The following POU2F2 variants were observed in gnomAD, a reference collection of about 807,000 sequenced individuals.
POU2F2 encodes POU domain, class 2, transcription factor 2.
POU2F2 carries 14 observed loss-of-function variants against 63.5 expected under a neutral mutation model. The observed-to-expected ratio is 0.22, with a 90% confidence interval of 0.15 to 0.34. The LOEUF (loss-of-function observed/expected upper bound fraction) is 0.34. Ranked by LOEUF, POU2F2 falls within the 10% of genes least tolerant of loss-of-function variation. The pLI, the probability that POU2F2 is intolerant of heterozygous loss-of-function variation, is 1.00. For missense variants in POU2F2, 607 were observed against 815.2 expected (o/e 0.74, Z 3.11); for synonymous variants, 306 against 348.6 (o/e 0.88, Z 1.36).
intron 5 of POU2F2, among the ~76,000 whole-genome samples, chr19:42,105,975 C>T (rs1204253254): frequency 1.3e-5 from 2 of 151,238 alleles, no homozygotes; most frequent in Admixed American, 1.3e-4. Context: ...AAACACATAA[C>T]ATATGATATA....
intron 2 of POU2F2, among the ~76,000 whole-genome samples, chr19:42,147,294 G>T (rs1235115285): frequency 6.6e-6 from 1 of 152,008 alleles, no homozygotes; most frequent in African/African-American, 2.4e-5. Context: ...GCAACCCCAG[G>T]CCCTTCGCAT....
At chr19:42,101,275 C>G (rs2077131812) in intron 5 of POU2F2, among the ~76,000 whole-genome samples, 1 of 151,696 alleles carries the variant, frequency 6.6e-6, no homozygotes, top group Non-Finnish European at 1.5e-5. Context: ...CCTGCCACCC[C>G]CCAAAAAGGT....
chr19:42,159,822 T>G (rs1262157197), intron 2 of POU2F2, among the ~76,000 whole-genome samples: 4 of 152,232 alleles, frequency 2.6e-5, no homozygotes, highest in African/African-American at 9.6e-5. Flanking sequence ...GTAAATGCTA[T>G]TAATTACCCT....
intron 1 of POU2F2, among the ~76,000 whole-genome samples, chr19:42,185,362 A>C (rs1334424307): frequency 6.6e-6 from 1 of 151,940 alleles, no homozygotes; most frequent in South Asian, 2.1e-4. Context: ...TACTGGGGTA[A>C]TGTTTCTACA....
intron 12 of POU2F2, 31 bp downstream of exon 12, chr19:42,093,798 T>C: frequency 1.3e-6 from 2 of 1,584,022 alleles, no homozygotes; most frequent in Non-Finnish European, 1.7e-6. Context: ...ATCCTCCCAG[T>C]CCCCCCTCAC....
intron 4 of POU2F2, among the ~76,000 whole-genome samples, chr19:42,118,701 C>A (rs2032221397): frequency 6.6e-6 from 1 of 152,248 alleles, no homozygotes; most frequent in Non-Finnish European, 1.5e-5. Flanking sequence ...CAGTTGTTGG[C>A]TGAAAGGCCT....
At chr19:42,161,945 G>A (rs1337145662) in intron 1 of POU2F2, among the ~76,000 whole-genome samples, 2 of 152,202 alleles carry the variant, frequency 1.3e-5, no homozygotes, top group Non-Finnish European at 2.9e-5. Context: ...GATGCAGCGC[G>A]CAGGGCAAAA....
In POU2F2 at chr19:42,181,571, CATTT is replaced by C. The variant is rs143264132; in HGVS notation, c.-70+14808_-70+14811del. ...AATTGAGTGTGTGCGTCTGAACATA[CATTT>C]ATTTATTTATTTATTTATTTATTTA... On this transcript the variant is annotated intron_variant, in intron 1 of 5. Coordinates refer to the POU2F2 transcript ENST00000532176. Among the ~76,000 whole-genome samples, 135 of 148,494 alleles carry C rather than the reference CATTT, an allele frequency of 9.1e-4. 1 individual carries two copies. The highest frequency in any genetic ancestry group is 3.2e-3 in the East Asian group (16 of 5,058).
rs1255933770 is a variant in POU2F2 at position 42,155,259 on chromosome 19, C to T, written c.-9+5073G>A. 6.6e-6 allele frequency among the ~76,000 whole-genome samples: 1 copy of T among 152,246 alleles called. No individual in the cohort carries two copies. Among genetic ancestry groups the T allele is most frequent in the Non-Finnish European group, 1.5e-5 (1 of 68,046 alleles). On this transcript the variant is annotated intron_variant, in intron 2 of 6. Coordinates refer to the POU2F2 transcript ENST00000524801. The surrounding 1 kb of genome is among the most constrained non-coding windows in gnomAD (Gnocchi z 4.2). ...ACGCGCCCTCTCTTTCTCTCTGTTC[C>T]TTTCTGTCTCTGAGTCCCTCACTCT...
chr19:42,145,525 G>T (rs2034212743), intron 2 of POU2F2, among the ~76,000 whole-genome samples: 1 of 152,246 alleles, frequency 6.6e-6, no homozygotes, highest in South Asian at 2.1e-4. Flanking sequence ...CAAACTCTGA[G>T]CTCTGGACAT....
intron 1 of POU2F2, among the ~76,000 whole-genome samples, chr19:42,163,834 A>G (rs914136891): frequency 6.6e-6 from 1 of 152,224 alleles, no homozygotes; most frequent in East Asian, 1.9e-4. Flanking sequence ...AAATGATAGT[A>G]TAGTGGCCAT....
At chr19:42,172,560 C>T (rs994254220) in intron 1 of POU2F2, among the ~76,000 whole-genome samples, 4 of 152,086 alleles carry the variant, frequency 2.6e-5, no homozygotes, top group African/African-American at 4.8e-5. Flanking sequence ...GGGTGGTGAT[C>T]GAGTGAGGGA....
chr19:42,136,709 G>A (rs550817831), upstream of POU2F2: 4 of 152,202 alleles, frequency 2.6e-5, no homozygotes, highest in Non-Finnish European at 5.9e-5. Flanking sequence ...GCTCCTTCTT[G>A]GAGGCGTGAA....
chr19:42,122,224 G>C, intron 3 of POU2F2, 42 bp from the exon 4 acceptor site: 1 of 1,595,992 alleles, frequency 6.3e-7, no homozygotes. Flanking sequence ...GAATAGTGCA[G>C]TGAAGCAGCT....
rs1217053442 is a variant in POU2F2, at chr19:42,090,077, G to C, written c.*1180C>G. 1 of 152,778 alleles carries C rather than the reference G, an allele frequency of 6.5e-6. No homozygotes were observed. Among genetic ancestry groups the C allele is most frequent in the South Asian group, 2.1e-4 (1 of 4,824 alleles). The allele number at this position is 152,778 out of a possible 1,614,324, so 9.5% of individuals were successfully genotyped here. A position where few individuals can be genotyped will look rare whatever the true frequency, so the allele number is the denominator to read the frequency against. On this transcript the variant is annotated 3_prime_UTR_variant, in exon 15 of 15. Transcript: ENST00000692977. The surrounding 1 kb of genome is among the most constrained non-coding windows in gnomAD (Gnocchi z 4.4). ...GGGGTGTGTGCGTGCGTGCATGTGG[G>C]GGGAGGGAGAGGCATTCGCCAGTAC...
chr19:42,185,386 C>T (rs541491710), intron 1 of POU2F2, among the ~76,000 whole-genome samples: 1 of 152,198 alleles, frequency 6.6e-6, no homozygotes, highest in African/African-American at 2.4e-5. Context: ...TGGCTCTGAT[C>T]AAATCACTCC....
chr19:42,099,684 G>T (rs748276586), intron 6 of POU2F2, 32 bp downstream of exon 6: 21 of 1,601,106 alleles, frequency 1.3e-5, no homozygotes, highest in East Asian at 2.2e-5. Context: ...CTGTGGAGGC[G>T]TCAGGGAGGC....
chr19:42,123,132 T>A (rs2032843571), intron 1 of POU2F2: 1 of 152,720 alleles, frequency 6.5e-6, no homozygotes, highest in African/African-American at 2.4e-5. Flanking sequence ...CCCACCACTT[T>A]CCCCATCCAC....
At chr19:42,131,744 G>A (rs1488438807) in intron 1 of POU2F2, among the ~76,000 whole-genome samples, 2 of 152,186 alleles carry the variant, frequency 1.3e-5, no homozygotes, top group Non-Finnish European at 2.9e-5. Flanking sequence ...GATAAAGCAG[G>A]GTGAGGGGAC....
Sources: gnomAD v4.1 joint callset for allele counts (sites outside exome capture counted in the v4.1 genomes callset) on GRCh38, gnomAD v4.1.1 for gene constraint, Gnocchi (gnomAD v3.1) non-coding constraint, MANE v1.5 for transcripts, NCBI Gene and HGNC (gene_info 2026-07-23, HGNC 2026-07-21) for gene names.